The following ADAM19 variants were observed in gnomAD, a reference collection of about 807,000 sequenced individuals.
ADAM19 encodes the protein ADAM metallopeptidase domain 19.
A neutral mutation model predicts 114.7 loss-of-function variants in ADAM19; 65 were observed. The observed-to-expected ratio is 0.57, with a 90% CI of 0.46 to 0.70. The LOEUF (loss-of-function observed/expected upper bound fraction) is 0.70, where lower values mean the gene tolerates loss of function less well. ADAM19 is among the 30% of genes least tolerant of loss of function. The probability of loss-of-function intolerance (pLI) is 0.00; values close to 1 mark genes in which losing one functional copy is unlikely to be tolerated. For missense variants in ADAM19, 1,063 were observed against 1,204.7 expected, an observed-to-expected ratio of 0.88 and a Z score of 1.74; for synonymous variants, 466 against 460.5, an observed-to-expected ratio of 1.01 and a Z score of -0.15.
rs1056305362 is a variant in ADAM19, at chr5:157,488,601, TA to T, written c.2326-113del. On this transcript the variant is annotated intron_variant, in intron 20 of 22. Transcript: ENST00000257527. ...AGGGAGAACAGACACACCAATCTATTAAACCCCTGAGGATCCCAGAAGTCAG... is the reference window on the plus strand; with the variant it reads ...AGGGAGAACAGACACACCAATCTATTAACCCCTGAGGATCCCAGAAGTCAG... 4.4e-5 allele frequency: 37 copies of T among 835,876 alleles called. No individual in the cohort carries two copies. In the African/African-American group the frequency reaches 5.7e-4, roughly 13 times the overall value. The allele number at this position is 835,876 out of a possible 1,614,324, so 51.8% of individuals were successfully genotyped here. A position where few individuals can be genotyped will look rare whatever the true frequency, so the allele number is the denominator to read the frequency against.
intron 2 of ADAM19, chr5:157,570,363 AGT>A (rs1757788148): frequency 6.6e-6 from 1 of 152,522 alleles, no homozygotes; most frequent in South Asian, 2.0e-4. Context: ...AGAACAGGAC[AGT>A]GTTTTTTGTT....
chr5:157,515,559 A>G (rs1280541234), intron 7 of ADAM19, among the ~76,000 whole-genome samples: 1 of 152,232 alleles, frequency 6.6e-6, no homozygotes, highest in Non-Finnish European at 1.5e-5. Flanking sequence ...AAGCCTGGAT[A>G]ATACAGAAAC....
chr5:157,509,585 A>G, intron 8 of ADAM19, 118 bp from the exon 9 acceptor site: 1 of 847,256 alleles, frequency 1.2e-6, no homozygotes, highest in Non-Finnish European at 1.6e-6. Context: ...CTAAAAAATA[A>G]AAATAAATTT....
chr5:157,491,854 T>C lies in ADAM19; in HGVS notation c.1967A>G (p.Lys656Arg), dbSNP rs752847811. 5 of 1,614,232 alleles carry C rather than the reference T, an allele frequency of 3.1e-6. No homozygotes were observed. In the South Asian group the frequency reaches 5.5e-5, roughly 18 times the overall value. ...ACGCACCCCATGGCCATTGCACTTC[T>C]TCCCACAGCCTTCAGTTTCAAAGAA... The part of the protein sequence containing the change: ...TSFFETEGCG[K>R]KCNGHGVCNN... The change falls in exon 17 of 23, where the codon AAG becomes AGG. Residue 656 changes from lysine (K) to arginine (R), a missense_variant. Physicochemically the swap from Lys to Arg is conservative, Grantham distance 26 (BLOSUM62 2). Around this residue, in one of 3 missense-constraint regions of ADAM19, gnomAD observed 424 missense variants for 445.5 expected, o/e 0.95. Transcript: ENST00000257527.
At chr5:157,481,980 A>T (rs763745935) in intron 21 of ADAM19, 37 bp from the exon 22 acceptor site, 8 of 1,503,416 alleles carry the variant, frequency 5.3e-6, no homozygotes, top group Non-Finnish European at 7.1e-6. Flanking sequence ...TGAAGGCCAG[A>T]GGCCTGTTTG....
At chr5:157,489,901 C>T (rs887423742) in intron 19 of ADAM19, among the ~76,000 whole-genome samples, 2 of 152,306 alleles carry the variant, frequency 1.3e-5, no homozygotes, top group African/African-American at 2.4e-5. Context: ...GCAGGAGAAT[C>T]GCTTGAACTC....
intron 3 of ADAM19, 64 bp downstream of exon 3, chr5:157,564,309 C>A: frequency 6.8e-7 from 1 of 1,475,848 alleles, no homozygotes; most frequent in South Asian, 1.1e-5. Flanking sequence ...AACAGCGACA[C>A]CTGCGTCCGG....
At position 157,489,632 on chromosome 5, in the gene ADAM19, G is replaced by A. The variant is rs6880729; in HGVS notation, c.2241-446C>T. ...ACTTTTCAAATGGGACACCAAAAGC[G>A]AGCAGGAGTAGCTATTCTTATACCA... is the stretch of plus-strand genomic sequence containing the variant. On this transcript the variant is annotated intron_variant, in intron 19 of 22. Coordinates refer to ENST00000257527, the MANE Select transcript of ADAM19 (RefSeq NM_033274.5). 8.1e-3 allele frequency among the ~76,000 whole-genome samples: 1,232 copies of A among 152,296 alleles called. 10 individuals carry two copies. The highest frequency in any genetic ancestry group is 0.027 in the African/African-American group (1,132 of 41,542).
chr5:157,491,524 T>G, intron 18 of ADAM19, 91 bp downstream of exon 18: 1 of 903,240 alleles, frequency 1.1e-6, no homozygotes, highest in African/African-American at 1.7e-5. Flanking sequence ...ATGAAGCTGA[T>G]TCAATGTGGA....
rs565445047 is a variant in ADAM19, at chr5:157,519,959, A to C, written c.480T>G (p.Leu160=). The change falls in exon 6 of 23, where the codon CTT becomes CTG. Residue 160 remains leucine, a synonymous_variant. Transcript: ENST00000257527. ...EPLPDSKGQH[L]IYRSEHLKPP... ...GCTTGAGATGTTCAGATCTGTAAATAAGGTGTTGGCCCTTGCTGTCAGGGA... is the reference window on the plus strand; with the variant it reads ...GCTTGAGATGTTCAGATCTGTAAATCAGGTGTTGGCCCTTGCTGTCAGGGA... 1.2e-6 allele frequency: 2 copies of C among 1,614,078 alleles called. No homozygotes were observed. The highest frequency in any genetic ancestry group is 4.5e-5 in the East Asian group (2 of 44,866).
intron 3 of ADAM19, among the ~76,000 whole-genome samples, chr5:157,543,734 AG>A (rs1756978077): frequency 6.6e-6 from 1 of 152,016 alleles, no homozygotes; most frequent in South Asian, 2.1e-4. Context: ...TTAACTGGCT[AG>A]GTGATACGGT....
chr5:157,551,871 A>G (rs7714202), intron 3 of ADAM19, among the ~76,000 whole-genome samples: 71,165 of 152,032 alleles, frequency 0.47, 18,334 homozygotes, highest in African/African-American at 0.69. Flanking sequence ...ATACCACAAC[A>G]AGCTGGGTGC....
chr5:157,531,646 G>A (rs932737655), intron 4 of ADAM19, among the ~76,000 whole-genome samples: 4 of 151,062 alleles, frequency 2.6e-5, no homozygotes, highest in Non-Finnish European at 5.9e-5. Flanking sequence ...CAGCCTGGGC[G>A]ACAGAGTGAG....
At chr5:157,487,198 G>A (rs2113690102) in intron 21 of ADAM19, among the ~76,000 whole-genome samples, 1 of 152,188 alleles carries the variant, frequency 6.6e-6, no homozygotes, top group African/African-American at 2.4e-5. Flanking sequence ...CCCCTCTCTT[G>A]CTTTTTTCCT....
At chr5:157,565,113 C>T (rs1385338904) in intron 2 of ADAM19, among the ~76,000 whole-genome samples, 1 of 152,134 alleles carries the variant, frequency 6.6e-6, no homozygotes, top group Non-Finnish European at 1.5e-5. Context: ...ATACATTTTA[C>T]ACATAAGCAG....
At chr5:157,515,181 G>A (rs780178969) in intron 7 of ADAM19, among the ~76,000 whole-genome samples, 6 of 152,206 alleles carry the variant, frequency 3.9e-5, no homozygotes, top group Admixed American at 2.6e-4. Context: ...GTGTGACACT[G>A]TAACTTAGAC....
chr5:157,573,453 A>G (rs1203002038), intron 1 of ADAM19, among the ~76,000 whole-genome samples: 1 of 152,220 alleles, frequency 6.6e-6, no homozygotes, highest in Non-Finnish European at 1.5e-5. Context: ...AGCATAGTAA[A>G]AAGATAACCT....
At chr5:157,493,476 T>C (rs1308961331) in intron 15 of ADAM19, among the ~76,000 whole-genome samples, 1 of 152,184 alleles carries the variant, frequency 6.6e-6, no homozygotes, top group East Asian at 1.9e-4. Flanking sequence ...TTGCCCCTTA[T>C]ACCGCTGTCC....
chr5:157,573,659 T>C (rs1757891690), intron 1 of ADAM19, among the ~76,000 whole-genome samples: 1 of 149,426 alleles, frequency 6.7e-6, no homozygotes, highest in Non-Finnish European at 1.5e-5. Context: ...GGCAGGAGAA[T>C]AGCTTGAACC....
Sources: gnomAD v4.1 joint callset for allele counts (sites outside exome capture counted in the v4.1 genomes callset) on GRCh38, gnomAD v4.1.1 for gene constraint, gnomAD v4.1.1 regional missense constraint, MANE v1.5 for transcripts, NCBI Gene and HGNC (gene_info 2026-07-23, HGNC 2026-07-21) for gene names.